TADA2A: variants seen among roughly 807,000 people sequenced by gnomAD.
The protein encoded by TADA2A is transcriptional adapter 2-alpha.
In TADA2A, 38 loss-of-function variants were observed where a neutral mutation model predicts 67.4. That is an observed-to-expected ratio of 0.56 (90% confidence interval 0.44 to 0.74). The LOEUF is 0.74. Among genes scored for constraint, TADA2A ranks in the 30% least tolerant of loss-of-function variants. The pLI, the probability that TADA2A is intolerant of heterozygous loss-of-function variation, is 0.00. For missense variants in TADA2A, 454 were observed against 547.0 expected (o/e 0.83, Z 1.70); for synonymous variants, 192 against 181.6 (o/e 1.06, Z -0.46).
chr17:37,476,114 G>A (rs1445034836), intron 15 of TADA2A, among the ~76,000 whole-genome samples: 2 of 152,174 alleles, frequency 1.3e-5, no homozygotes, highest in Non-Finnish European at 2.9e-5. Context: ...AATGTATGTA[G>A]TATCTATGTA....
intron 5 of TADA2A, among the ~76,000 whole-genome samples, chr17:37,439,325 C>T (rs2052828194): frequency 6.6e-6 from 1 of 151,980 alleles, no homozygotes; most frequent in Non-Finnish European, 1.5e-5. Flanking sequence ...CTCTGTCGCC[C>T]AGGGTGGAGT....
intron 15 of TADA2A, among the ~76,000 whole-genome samples, chr17:37,476,198 A>G (rs927549853): frequency 6.6e-6 from 1 of 152,102 alleles, no homozygotes; most frequent in Non-Finnish European, 1.5e-5. Context: ...TTTTATCCTT[A>G]CCCACATAAT....
chr17:37,452,409 A>T (rs1269602334), intron 8 of TADA2A, among the ~76,000 whole-genome samples: 1 of 152,212 alleles, frequency 6.6e-6, no homozygotes, highest in Non-Finnish European at 1.5e-5. Flanking sequence ...TCTCAAAAAA[A>T]AAGATCCTGA....
intron 13 of TADA2A, among the ~76,000 whole-genome samples, chr17:37,470,843 T>G (rs1266724568): frequency 6.6e-6 from 1 of 152,170 alleles, no homozygotes; most frequent in Non-Finnish European, 1.5e-5. Context: ...TTTGTATCCC[T>G]TCCCCTTGAG....
intron 12 of TADA2A, among the ~76,000 whole-genome samples, chr17:37,468,872 C>T (rs1385363677): frequency 6.6e-6 from 1 of 151,818 alleles, no homozygotes; most frequent in African/African-American, 2.4e-5. Flanking sequence ...TGATAGTTGT[C>T]ACCTACTATC....
chr17:37,479,596 A>AAACTT lies in TADA2A; in HGVS notation c.*2617_*2621dup, dbSNP rs2053949635. The AAACTT allele has an allele frequency of 6.6e-6, 1 of 152,202 alleles. No homozygotes were observed. Among genetic ancestry groups the AAACTT allele is most frequent in the East Asian group, 1.9e-4 (1 of 5,202 alleles). The allele number at this position is 152,202 out of a possible 1,614,324, so 9.4% of individuals were successfully genotyped here. A position where few individuals can be genotyped will look rare whatever the true frequency, so the allele number is the denominator to read the frequency against. On this transcript the variant is annotated 3_prime_UTR_variant, in exon 16 of 16. Transcript: ENST00000615182. ...GTCTCAGAAGAGAGAGTTTACCCTG[A>AAACTT]AACTTAATGACATGAATAAAACCTG...
intron 6 of TADA2A, among the ~76,000 whole-genome samples, chr17:37,441,382 A>G (rs1159746916): frequency 6.6e-6 from 1 of 152,032 alleles, no homozygotes; most frequent in Non-Finnish European, 1.5e-5. Context: ...TATTTGACTC[A>G]TTATTATTAA....
At chr17:37,411,631 T>C (rs1236641499) in intron 2 of TADA2A, among the ~76,000 whole-genome samples, 2 of 151,868 alleles carry the variant, frequency 1.3e-5, no homozygotes. Flanking sequence ...GGTTTTACCA[T>C]GTTGGCCAGA....
intron 4 of TADA2A, among the ~76,000 whole-genome samples, chr17:37,434,153 G>A (rs1405647248): frequency 6.6e-6 from 1 of 152,196 alleles, no homozygotes; most frequent in Non-Finnish European, 1.5e-5. Context: ...TCATGACCTT[G>A]ACAGGTCGAA....
chr17:37,458,602 C>G lies in TADA2A; in HGVS notation c.668+15C>G. On this transcript the variant is annotated intron_variant, in intron 9 of 15. Coordinates refer to ENST00000615182, the MANE Select transcript of TADA2A (RefSeq NM_001166105.3). Reference sequence around the variant, plus strand: ...AGACGAAAAAAGTAAGTATAAAAAACCATCCTGGCCTCCTTTCAGCTTTGG... The same window carrying G: ...AGACGAAAAAAGTAAGTATAAAAAAGCATCCTGGCCTCCTTTCAGCTTTGG... The G allele has an allele frequency of 6.2e-7, 1 of 1,606,266 alleles. No individual in the cohort carries two copies. Among genetic ancestry groups the G allele is most frequent in the Non-Finnish European group, 8.5e-7 (1 of 1,174,542 alleles).
intron 4 of TADA2A, among the ~76,000 whole-genome samples, chr17:37,437,063 G>A (rs1340656011): frequency 6.6e-6 from 1 of 151,446 alleles, no homozygotes; most frequent in Non-Finnish European, 1.5e-5. Flanking sequence ...TACAGTTGAA[G>A]TTCCTAGATT....
chr17:37,410,788 T>C (rs2051841051), intron 1 of TADA2A, among the ~76,000 whole-genome samples: 1 of 152,132 alleles, frequency 6.6e-6, no homozygotes, highest in South Asian at 2.1e-4. Flanking sequence ...TGCTTTAGCT[T>C]TTGTCAGGGG....
chr17:37,452,690 T>C (rs2053267493), intron 8 of TADA2A, among the ~76,000 whole-genome samples: 1 of 152,096 alleles, frequency 6.6e-6, no homozygotes. Flanking sequence ...CAGTGACAGG[T>C]ATAGGCATTC....
At chr17:37,445,583 A>G (rs767731931) in intron 8 of TADA2A, among the ~76,000 whole-genome samples, 9 of 152,186 alleles carry the variant, frequency 5.9e-5, no homozygotes, top group Non-Finnish European at 8.8e-5. Context: ...GCTGAATTCT[A>G]ATCTTTGATT....
chr17:37,431,643 C>T (rs1293832979), intron 4 of TADA2A, among the ~76,000 whole-genome samples: 2 of 148,568 alleles, frequency 1.3e-5, no homozygotes, highest in Non-Finnish European at 3.0e-5. Flanking sequence ...GGGTTGATTT[C>T]GGCTCACTGC....
At chr17:37,411,421 CTTATTA>C in intron 2 of TADA2A, 31 bp downstream of exon 2, 1 of 1,602,306 alleles carries the variant, frequency 6.2e-7, no homozygotes, top group Non-Finnish European at 8.5e-7. Flanking sequence ...TCTCAGGTGA[CTTATTA>C]TTATTTTTTT....
intron 4 of TADA2A, among the ~76,000 whole-genome samples, chr17:37,432,116 GT>G (rs1374972804): frequency 5.3e-5 from 8 of 151,764 alleles, no homozygotes; most frequent in Admixed American, 5.3e-4. Context: ...GAATCATACT[GT>G]ATGTACACTT....
intron 7 of TADA2A, among the ~76,000 whole-genome samples, chr17:37,443,714 G>A (rs77115124): frequency 0.058 from 8,846 of 152,276 alleles, 309 homozygotes; most frequent in Middle Eastern, 0.099. Context: ...TGCTAAAGCA[G>A]CATGGGATAA....
chr17:37,438,916 A>G (rs1266391546), intron 5 of TADA2A, among the ~76,000 whole-genome samples: 7 of 152,200 alleles, frequency 4.6e-5, no homozygotes, highest in Non-Finnish European at 1.5e-5. Flanking sequence ...AGTGGGCTAG[A>G]GCTAAGAATT....
Sources: allele counts gnomAD v4.1 joint callset (sites outside exome capture counted in the v4.1 genomes callset), GRCh38; gene constraint gnomAD v4.1.1; transcripts MANE v1.5; gene names NCBI Gene and HGNC (gene_info 2026-07-23, HGNC 2026-07-21).